The following GNS variants were observed in gnomAD, a reference collection of about 807,000 sequenced individuals.
GNS encodes the protein N-acetylglucosamine-6-sulfatase.
In GNS, 40 loss-of-function variants were observed where a neutral mutation model predicts 69.7. The observed-to-expected ratio is 0.57, with a 90% CI of 0.45 to 0.75. The LOEUF (loss-of-function observed/expected upper bound fraction) is 0.75, where lower values mean the gene tolerates loss of function less well. Ranked by LOEUF, GNS falls within the 30% of genes least tolerant of loss-of-function variation. The pLI is 0.00. For missense variants in GNS, 565 were observed against 685.5 expected (o/e 0.82, Z 1.96); for synonymous variants, 243 against 251.6 (o/e 0.97, Z 0.32).
intron 7 of GNS, among the ~76,000 whole-genome samples, chr12:64,739,773 A>G (rs969360202): frequency 2.6e-5 from 4 of 152,256 alleles, no homozygotes; most frequent in South Asian, 2.1e-4. Flanking sequence ...AATTGTTTCC[A>G]AAGAAATAAA....
chr12:64,747,020 C>T (rs373480815), intron 3 of GNS, among the ~76,000 whole-genome samples: 2 of 152,342 alleles, frequency 1.3e-5, no homozygotes, highest in African/African-American at 2.4e-5. Context: ...CAAACATTCT[C>T]GAACATACTA....
intron 1 of GNS, 35 bp downstream of exon 1, chr12:64,759,050 G>C (rs1201286903): frequency 6.6e-7 from 1 of 1,512,696 alleles, no homozygotes; most frequent in South Asian, 1.2e-5. Flanking sequence ...GTCAGCCCAA[G>C]AGATAGAGGG....
At chr12:64,727,168 T>C (rs1370544765) in intron 10 of GNS, among the ~76,000 whole-genome samples, 1 of 150,984 alleles carries the variant, frequency 6.6e-6, no homozygotes, top group Non-Finnish European at 1.5e-5. Flanking sequence ...GGGGGGAGGA[T>C]ATTTTTTTTT....
At chr12:64,754,881 A>G (rs944790247) in intron 1 of GNS, among the ~76,000 whole-genome samples, 52 of 147,124 alleles carry the variant, frequency 3.5e-4, no homozygotes, top group Non-Finnish European at 6.0e-4. Context: ...AAGAGTGAGA[A>G]CTTGTCTCCA....
intron 5 of GNS, among the ~76,000 whole-genome samples, chr12:64,743,830 T>A (rs1869819622): frequency 6.6e-6 from 1 of 152,222 alleles, no homozygotes; most frequent in Admixed American, 6.5e-5. Flanking sequence ...GGACTTAAGT[T>A]TTGCCTTTGC....
chr12:64,726,789 C>T (rs1175264240), intron 10 of GNS, among the ~76,000 whole-genome samples: 2 of 152,096 alleles, frequency 1.3e-5, no homozygotes, highest in African/African-American at 4.8e-5. Flanking sequence ...AGCCACTGCA[C>T]CTGGCTCCCA....
In GNS at chr12:64,759,302, G is replaced by A. The variant is rs1870396830; in HGVS notation, c.-26C>T. 1.4e-6 allele frequency: 2 copies of A among 1,409,580 alleles called. No individual in the cohort carries two copies. The highest frequency in any genetic ancestry group is 9.4e-7 in the Non-Finnish European group (1 of 1,061,550). The allele number at this position is 1,409,580 out of a possible 1,614,324, so 87.3% of individuals were successfully genotyped here. ...AGCGGACAGGCTCCGGGGTGACCCCGGGACGGGACGGGACGGAGGGACGCA... is the reference window on the plus strand; with the variant it reads ...AGCGGACAGGCTCCGGGGTGACCCCAGGACGGGACGGGACGGAGGGACGCA... On this transcript the variant is annotated 5_prime_UTR_variant, in exon 1 of 14. Coordinates refer to ENST00000258145, the MANE Select transcript of GNS (RefSeq NM_002076.4).
intron 2 of GNS, among the ~76,000 whole-genome samples, chr12:64,752,016 T>C (rs1433183388): frequency 6.6e-6 from 1 of 151,116 alleles, no homozygotes; most frequent in East Asian, 1.9e-4. Context: ...AGAAGTGCTC[T>C]ACACCTATTA....
At chr12:64,727,355 G>A (rs985385092) in intron 10 of GNS, among the ~76,000 whole-genome samples, 10 of 90,078 alleles carry the variant, frequency 1.1e-4, no homozygotes, top group African/African-American at 4.6e-4. Context: ...AGGATCCTCT[G>A]AGCGTAGGAG....
At chr12:64,753,566 G>C (rs1870148519) in intron 1 of GNS, among the ~76,000 whole-genome samples, 1 of 152,192 alleles carries the variant, frequency 6.6e-6, no homozygotes, top group Non-Finnish European at 1.5e-5. Flanking sequence ...ATGATTCTGA[G>C]ATACCTTTGA....
intron 13 of GNS, among the ~76,000 whole-genome samples, chr12:64,719,019 C>T (rs1440202703): frequency 6.6e-6 from 1 of 152,006 alleles, no homozygotes; most frequent in Non-Finnish European, 1.5e-5. Flanking sequence ...ATGGGATTAT[C>T]CATATAAAAA....
chr12:64,721,897 T>C (rs899852882), intron 11 of GNS, among the ~76,000 whole-genome samples, 192 bp from the exon 12 acceptor site: 3 of 152,144 alleles, frequency 2.0e-5, no homozygotes, highest in Non-Finnish European at 4.4e-5. Context: ...TTGATCAAGG[T>C]ATATGGGTTG....
Position 64,736,899 on chromosome 12 carries a change from C to T in GNS, c.1098+105G>A. On this transcript the variant is annotated intron_variant, in intron 9 of 13. Coordinates refer to ENST00000258145, the MANE Select transcript of GNS (RefSeq NM_002076.4). ...ACTTAAAAACTCTTCTGCTGCTCAGCCCTAGTGGGAAGAGGAACCTAACCA... is the reference window on the plus strand; with the variant it reads ...ACTTAAAAACTCTTCTGCTGCTCAGTCCTAGTGGGAAGAGGAACCTAACCA... The T allele has an allele frequency of 4.0e-6, 3 of 747,222 alleles. No individual in the cohort carries two copies. The South Asian group carries it at 4.2e-5, about 11-fold the overall frequency. The allele number at this position is 747,222 out of a possible 1,614,324, so 46.3% of individuals were successfully genotyped here.
At chr12:64,753,643 T>C (rs1303628020) in intron 1 of GNS, among the ~76,000 whole-genome samples, 1 of 152,228 alleles carries the variant, frequency 6.6e-6, no homozygotes, top group East Asian at 1.9e-4. Flanking sequence ...TAAAGATTGC[T>C]AATCTAAATA....
chr12:64,733,101 C>G (rs1431017181), intron 9 of GNS, among the ~76,000 whole-genome samples: 1 of 151,090 alleles, frequency 6.6e-6, no homozygotes, highest in Non-Finnish European at 1.5e-5. Flanking sequence ...ATAATGAAAC[C>G]CCGTCTCTAC....
In GNS at chr12:64,759,316, CGGA is replaced by C; in HGVS notation, c.-43_-41del. ...GGGGTGACCCCGGGACGGGACGGGA[CGGA>C]GGGACGCACAGGTAGCTGAAGGGCG... On this transcript the variant is annotated 5_prime_UTR_variant, in exon 1 of 14. Transcript: ENST00000258145. The C allele has an allele frequency of 7.4e-7, 1 of 1,358,042 alleles. No homozygotes were observed. Among genetic ancestry groups the C allele is most frequent in the Non-Finnish European group, 9.8e-7 (1 of 1,019,840 alleles). 84.1% of individuals were successfully genotyped at this position (1,358,042 alleles called of 1,614,324 possible).
rs1869301613 is a variant in GNS at position 64,729,044 on chromosome 12, T to C, written c.1112A>G (p.Asn371Ser). Residue 371 changes from asparagine to serine, a missense_variant, in exon 10 of 14, where the codon AAC becomes AGC. This residue lies in a region of GNS where 384 missense variants were observed against 511.0 expected (regional missense o/e 0.75). Coordinates refer to ENST00000258145, the MANE Select transcript of GNS (RefSeq NM_002076.4). ...PNQTSKMLVA[N>S]IDLGPTILDI... Reference sequence around the variant, plus strand: ...CAAAATAGTAGGACCCAAGTCAATGTTGGCAACCAGCATCTATGAGAATGA... The same window carrying C: ...CAAAATAGTAGGACCCAAGTCAATGCTGGCAACCAGCATCTATGAGAATGA... The C allele has an allele frequency of 4.5e-6, 7 of 1,570,718 alleles. No individual in the cohort carries two copies. The highest frequency in any genetic ancestry group is 6.1e-6 in the Non-Finnish European group (7 of 1,140,536).
chr12:64,756,970 G>A (rs889651712), intron 1 of GNS, among the ~76,000 whole-genome samples: 1 of 152,138 alleles, frequency 6.6e-6, no homozygotes, highest in African/African-American at 2.4e-5. Flanking sequence ...CTTGAGTCCA[G>A]GAGTTCAAGA....
Position 64,716,452 on chromosome 12 carries a change from C to A in GNS, c.*289G>T. The A allele has an allele frequency of 2.2e-6, 1 of 460,202 alleles. No homozygotes were observed. The highest frequency in any genetic ancestry group is 4.0e-6 in the Non-Finnish European group (1 of 249,102). 28.5% of individuals were successfully genotyped at this position (460,202 alleles called of 1,614,324 possible). ...TAACCACAAGAGGAATAATCAAGAACTGTGGCCCCAGGATAAAAAGAATAC... is the reference window on the plus strand; with the variant it reads ...TAACCACAAGAGGAATAATCAAGAAATGTGGCCCCAGGATAAAAAGAATAC... On this transcript the variant is annotated 3_prime_UTR_variant, in exon 14 of 14. Coordinates refer to ENST00000258145, the MANE Select transcript of GNS (RefSeq NM_002076.4).
Sources: allele counts gnomAD v4.1 joint callset (sites outside exome capture counted in the v4.1 genomes callset), GRCh38; gene constraint gnomAD v4.1.1; regional missense constraint gnomAD v4.1.1; transcripts MANE v1.5; gene names NCBI Gene and HGNC (gene_info 2026-07-23, HGNC 2026-07-21).